Variants in ANKRD55 observed in about 807,000 individuals in gnomAD.
ANKRD55 encodes the protein ankyrin repeat domain-containing protein 55.
A neutral mutation model predicts 60.6 loss-of-function variants in ANKRD55; 41 were observed. That is an observed-to-expected ratio of 0.68 (90% confidence interval 0.53 to 0.88). ANKRD55 has a LOEUF of 0.88. Ranked by LOEUF, ANKRD55 falls within the 40% of genes least tolerant of loss-of-function variation. The pLI is 0.00. For synonymous variants in ANKRD55, 264 were observed against 290.3 expected, an observed-to-expected ratio of 0.91 and a Z score of 0.92; for missense variants, 732 against 767.6, an observed-to-expected ratio of 0.95 and a Z score of 0.55.
chr5:56,164,060 C>G lies in ANKRD55; in HGVS notation c.423-4167G>C, dbSNP rs532983389. Among the ~76,000 whole-genome samples, 7 of 152,306 alleles carry G rather than the reference C, an allele frequency of 4.6e-5. No individual in the cohort carries two copies. The South Asian group carries it at 1.5e-3, about 32-fold the overall frequency. ...TGAGCCGAGATTATGCCACTGCACT[C>G]TAGCCTGGGCAACAGAGCTTGAGAC... is the stretch of plus-strand genomic sequence containing the variant. On this transcript the variant is annotated intron_variant, in intron 5 of 11. Transcript: ENST00000341048.
chr5:56,127,168 A>G, intron 7 of ANKRD55, 62 bp from the exon 8 acceptor site: 1 of 1,351,928 alleles, frequency 7.4e-7, no homozygotes, highest in Middle Eastern at 2.0e-4. Flanking sequence ...CTGTCTAGGC[A>G]TGTTAAGATA....
chr5:56,116,760 C>G lies in ANKRD55; in HGVS notation c.820G>C (p.Ala274Pro), dbSNP rs757938411. Residue 274 changes from alanine (A) to proline (P), a missense_variant, in exon 9 of 12, where the codon GCT (alanine) becomes CCT (proline). By Grantham distance (27) the Ala-to-Pro change is conservative. Around this residue, in one of 3 missense-constraint regions of ANKRD55, gnomAD observed 597 missense variants for 607.5 expected, o/e 0.98. Coordinates refer to ENST00000341048, the MANE Select transcript of ANKRD55 (RefSeq NM_024669.3). Reference sequence around the variant, plus strand: ...TGGACACATTCGGCCTTCCCTGCAGCTGCAGCCCAGTGCAGAGGTGTCCTG... The same window carrying G: ...TGGACACATTCGGCCTTCCCTGCAGGTGCAGCCCAGTGCAGAGGTGTCCTG... ...DDRTPLHWAA[A>P]AGKAECVQSL... 2 of 1,612,606 alleles carry G rather than the reference C, an allele frequency of 1.2e-6. No individual in the cohort carries two copies. The highest frequency in any genetic ancestry group is 1.7e-5 in the Admixed American group (1 of 59,812).
intron 2 of ANKRD55, among the ~76,000 whole-genome samples, chr5:56,201,992 C>T (rs1378616741): frequency 2.0e-5 from 3 of 152,178 alleles, no homozygotes; most frequent in Admixed American, 6.5e-5. Flanking sequence ...ATGTCCTTTG[C>T]AGGGACATGG....
chr5:56,149,439 G>A (rs939789296), intron 6 of ANKRD55, among the ~76,000 whole-genome samples: 8 of 152,108 alleles, frequency 5.3e-5, no homozygotes, highest in Non-Finnish European at 1.2e-4. Flanking sequence ...ACAATAAAAC[G>A]AACTTAGGCC....
At chr5:56,164,466 C>T (rs540215645) in intron 5 of ANKRD55, among the ~76,000 whole-genome samples, 3 of 152,214 alleles carry the variant, frequency 2.0e-5, no homozygotes, top group South Asian at 2.1e-4. Flanking sequence ...TGATTTTCTT[C>T]CTCCCTTGGG....
intron 2 of ANKRD55, among the ~76,000 whole-genome samples, chr5:56,203,002 C>T (rs1561290936): frequency 2.0e-5 from 3 of 152,082 alleles, no homozygotes; most frequent in African/African-American, 7.2e-5. Flanking sequence ...ATATCTTAAT[C>T]TTTATGTATG....
intron 7 of ANKRD55, chr5:56,127,705 A>C (rs144036191): frequency 2.7e-6 from 1 of 371,628 alleles, no homozygotes; most frequent in Non-Finnish European, 3.7e-6. Flanking sequence ...AACAATTAAA[A>C]GATAAAGTGA....
chr5:56,100,603 G>A (rs1281064879), intron 11 of ANKRD55, among the ~76,000 whole-genome samples: 1 of 152,128 alleles, frequency 6.6e-6, no homozygotes, highest in African/African-American at 2.4e-5. Context: ...AGCTGTTGAT[G>A]TTCAAAAACT....
intron 2 of ANKRD55, among the ~76,000 whole-genome samples, chr5:56,226,036 C>G (rs892162027): frequency 1.3e-5 from 2 of 152,090 alleles, no homozygotes; most frequent in Admixed American, 6.5e-5. Flanking sequence ...CAATCCTAAG[C>G]AAAAAGAACA....
At chr5:56,153,553 C>A (rs1758108441) in intron 6 of ANKRD55, among the ~76,000 whole-genome samples, 1 of 152,114 alleles carries the variant, frequency 6.6e-6, no homozygotes, top group Non-Finnish European at 1.5e-5. Flanking sequence ...AAGGAATGAG[C>A]CACAGGCTGG....
intron 2 of ANKRD55, among the ~76,000 whole-genome samples, chr5:56,227,616 T>TC (rs1491494373): frequency 2.9e-4 from 34 of 118,724 alleles, no homozygotes. Context: ...TCCATTGATG[T>TC]CTTTTTTTTT....
At chr5:56,233,112 C>A in intron 1 of ANKRD55, 129 bp downstream of exon 1, 1 of 601,934 alleles carries the variant, frequency 1.7e-6, no homozygotes, top group Non-Finnish European at 3.0e-6. Flanking sequence ...TAAATACCTG[C>A]TAGGAAAAGA....
At chr5:56,175,480 T>C (rs1302896415) in intron 4 of ANKRD55, among the ~76,000 whole-genome samples, 1 of 152,180 alleles carries the variant, frequency 6.6e-6, no homozygotes, top group Non-Finnish European at 1.5e-5. Flanking sequence ...CCCAAAAGGA[T>C]TGCAGGAAGA....
At chr5:56,227,458 G>T (rs1483683524) in intron 2 of ANKRD55, among the ~76,000 whole-genome samples, 1 of 152,030 alleles carries the variant, frequency 6.6e-6, no homozygotes, top group Non-Finnish European at 1.5e-5. Context: ...TACACACTGT[G>T]CATATGTACC....
intron 5 of ANKRD55, among the ~76,000 whole-genome samples, chr5:56,166,149 TCTTTCTTCTTTCCTTC>T (rs1758464816): frequency 3.2e-5 from 2 of 63,106 alleles, no homozygotes; most frequent in Non-Finnish European, 5.5e-5. Flanking sequence ...TTTCTTTCTT[TCTTTCTTCTTTCCTTC>T]CTTCCTTCCT....
At chr5:56,186,061 A>G (rs1758965833) in intron 2 of ANKRD55, among the ~76,000 whole-genome samples, 1 of 152,232 alleles carries the variant, frequency 6.6e-6, no homozygotes, top group African/African-American at 2.4e-5. Flanking sequence ...CACTCCTGTG[A>G]TGAGCGCAAG....
chr5:56,224,079 A>G (rs1228910026), intron 2 of ANKRD55, among the ~76,000 whole-genome samples: 2 of 152,226 alleles, frequency 1.3e-5, no homozygotes, highest in African/African-American at 2.4e-5. Flanking sequence ...TTGACCACAT[A>G]GTTGGAAGTA....
chr5:56,172,768 C>A (rs1758639339), intron 4 of ANKRD55, among the ~76,000 whole-genome samples: 1 of 151,906 alleles, frequency 6.6e-6, no homozygotes. Context: ...GGAGAAAGCA[C>A]AAAGAGATAC....
At chr5:56,126,549 G>A (rs1232864032) in intron 8 of ANKRD55, among the ~76,000 whole-genome samples, 1 of 151,784 alleles carries the variant, frequency 6.6e-6, no homozygotes, top group Non-Finnish European at 1.5e-5. Flanking sequence ...GTTCTTCTCT[G>A]GATAAAAGAA....
Sources: gnomAD v4.1 joint callset for allele counts (sites outside exome capture counted in the v4.1 genomes callset) on GRCh38, gnomAD v4.1.1 for gene constraint, gnomAD v4.1.1 regional missense constraint, MANE v1.5 for transcripts, NCBI Gene and HGNC (gene_info 2026-07-23, HGNC 2026-07-21) for gene names.